The following PLAGL1 variants were observed in gnomAD, a reference collection of about 807,000 sequenced individuals.
PLAGL1 encodes the protein PLAG1 like zinc finger 1, also known as zinc finger protein PLAGL1.
In PLAGL1, 1 loss-of-function variant was observed where a neutral mutation model predicts 4.6. The observed-to-expected ratio is 0.22, with a 90% CI of 0.08 to 1.03. The LOEUF is 1.03. Among genes scored for constraint, PLAGL1 ranks in the 50% least tolerant of loss-of-function variants. The probability of loss-of-function intolerance (pLI) is 0.58; values close to 1 mark genes in which losing one functional copy is unlikely to be tolerated. For synonymous variants in PLAGL1, 240 were observed against 237.8 expected, an observed-to-expected ratio of 1.01 and a Z score of -0.08; for missense variants, 464 against 570.4, an observed-to-expected ratio of 0.81 and a Z score of 1.90.
rs180712841 is a variant in PLAGL1, at chr6:143,950,496, C to A, written c.-324-2036G>T. Among the ~76,000 whole-genome samples, 1 of 152,288 alleles carries A rather than the reference C, an allele frequency of 6.6e-6. No individual in the cohort carries two copies. The highest frequency in any genetic ancestry group is 6.5e-5 in the Admixed American group (1 of 15,304). ...AGCCTAAGTTTGGCCATAATACCGG[C>A]CCAGCTATAAAACACACTCATTCAC... On this transcript the variant is annotated intron_variant, in intron 6 of 7. Transcript: ENST00000674357. This position sits in a 1 kb window ranked among gnomAD's most constrained non-coding sequence, Gnocchi z 6.3.
At chr6:144,007,755 T>A (rs1310049423) in intron 1 of PLAGL1, 1 of 152,262 alleles carries the variant, frequency 6.6e-6, no homozygotes. Context: ...TTTCTTCTTT[T>A]CCTTGTTCTG....
At chr6:144,007,535 C>G (rs951123783) in intron 1 of PLAGL1, 1 of 152,170 alleles carries the variant, frequency 6.6e-6, no homozygotes, top group Non-Finnish European at 1.5e-5. Context: ...ATCCCCATTC[C>G]GCCCTGAAAG....
Position 143,947,930 on chromosome 6 carries a change from G to GA in PLAGL1, c.152+54dup. The GA allele has an allele frequency of 1.3e-6, 2 of 1,489,124 alleles. No homozygotes were observed. Among genetic ancestry groups the GA allele is most frequent in the Non-Finnish European group, 1.9e-6 (2 of 1,071,378 alleles). The allele number at this position is 1,489,124 out of a possible 1,614,324, so 92.2% of individuals were successfully genotyped here. ...CTTGCATCGTGTGGTCTGAGGGCTA[G>GA]AAAAGCCATTTAAACGTACTTCTAA... On this transcript the variant is annotated intron_variant, in intron 7 of 7. Coordinates refer to ENST00000674357, the MANE Select transcript of PLAGL1 (RefSeq NM_001317162.2). The surrounding 1 kb of genome is among the most constrained non-coding windows in gnomAD (Gnocchi z 4.3).
Position 143,948,982 on chromosome 6 carries a change from G to C in PLAGL1, c.-324-522C>G, listed in dbSNP as rs1011851835. ...TGTATACACCTAAGTCAATTTGTTTGTAAGATTACTCTGCAGAAGGGCTGA... is the reference window on the plus strand; with the variant it reads ...TGTATACACCTAAGTCAATTTGTTTCTAAGATTACTCTGCAGAAGGGCTGA... On this transcript the variant is annotated intron_variant, in intron 6 of 7. Coordinates refer to ENST00000674357, the MANE Select transcript of PLAGL1 (RefSeq NM_001317162.2). The surrounding 1 kb of genome is among the most constrained non-coding windows in gnomAD (Gnocchi z 6.0). 7.9e-5 allele frequency among the ~76,000 whole-genome samples: 12 copies of C among 152,186 alleles called. No homozygotes were observed. Among genetic ancestry groups the C allele is most frequent in the African/African-American group, 2.9e-4 (12 of 41,454 alleles).
chr6:144,051,085 T>C (rs190839958), intron 1 of PLAGL1, among the ~76,000 whole-genome samples: 2 of 152,360 alleles, frequency 1.3e-5, no homozygotes, highest in Admixed American at 1.3e-4. Flanking sequence ...CAGTTTGTAA[T>C]ATGTAACAAC....
chr6:143,940,804 A>C lies in PLAGL1; in HGVS notation c.*620T>G, dbSNP rs1363709278. The stretch of plus-strand genomic sequence containing the variant: ...TTTAAGATAAATGAAGTGATAACTC[A>C]CATTGCAGCATCTTGTGGAAAATAT... On this transcript the variant is annotated 3_prime_UTR_variant, in exon 8 of 8. Coordinates refer to ENST00000674357, the MANE Select transcript of PLAGL1 (RefSeq NM_001317162.2). The C allele has an allele frequency of 6.6e-6, 1 of 152,244 alleles. No individual in the cohort carries two copies. The highest frequency in any genetic ancestry group is 2.4e-5 in the African/African-American group (1 of 41,304). The allele number at this position is 152,244 out of a possible 1,614,324, so 9.4% of individuals were successfully genotyped here.
chr6:144,037,788 C>G (rs1310202232), intron 1 of PLAGL1: 1 of 152,120 alleles, frequency 6.6e-6, no homozygotes, highest in Non-Finnish European at 1.5e-5. Context: ...CAAACCCAAA[C>G]TACTGCTTTT....
intron 7 of PLAGL1, among the ~76,000 whole-genome samples, chr6:143,944,922 A>T (rs965843761): frequency 2.6e-5 from 4 of 151,796 alleles, no homozygotes; most frequent in Admixed American, 2.0e-4. Context: ...GTAGATCAAT[A>T]CCAGGTTAAC....
intron 1 of PLAGL1, among the ~76,000 whole-genome samples, chr6:144,040,018 CAT>C (rs1797601782): frequency 6.6e-6 from 1 of 151,952 alleles, no homozygotes; most frequent in South Asian, 2.1e-4. Flanking sequence ...CAAAACTAAA[CAT>C]ATACAAATGT....
At position 143,970,572 on chromosome 6, in the gene PLAGL1, GTTTAT is replaced by G. The variant is rs999197097; in HGVS notation, c.-543-1599_-543-1595del. ...TCTTGTTTTCAACGGCTAGATAAACGTTTATTAGGGCTGCTTTATTTGGTCAGTCT... is the reference window on the plus strand; with the variant it reads ...TCTTGTTTTCAACGGCTAGATAAACGTAGGGCTGCTTTATTTGGTCAGTCT... On this transcript the variant is annotated intron_variant, in intron 2 of 7. Coordinates refer to ENST00000674357, the MANE Select transcript of PLAGL1 (RefSeq NM_001317162.2). This position sits in a 1 kb window ranked among gnomAD's most constrained non-coding sequence, Gnocchi z 5.8. Among the ~76,000 whole-genome samples, 1 of 152,082 alleles carries G rather than the reference GTTTAT, an allele frequency of 6.6e-6. No individual in the cohort carries two copies. The highest frequency in any genetic ancestry group is 2.4e-5 in the African/African-American group (1 of 41,414).
In PLAGL1 at chr6:143,973,185, G is replaced by A. The variant is rs1785750662; in HGVS notation, c.-543-4207C>T. 6.6e-6 allele frequency among the ~76,000 whole-genome samples: 1 copy of A among 152,134 alleles called. No individual in the cohort carries two copies. Among genetic ancestry groups the A allele is most frequent in the South Asian group, 2.1e-4 (1 of 4,824 alleles). ...TAGGCAGAGCCATTCATTCCTTCAG[G>A]AAAACAGGGCATTGATTTCAGCGAG... is the stretch of plus-strand genomic sequence containing the variant. On this transcript the variant is annotated intron_variant, in intron 2 of 7. Transcript: ENST00000674357. This position sits in a 1 kb window ranked among gnomAD's most constrained non-coding sequence, Gnocchi z 6.2.
At chr6:144,043,571 G>A (rs994344934) in intron 1 of PLAGL1, among the ~76,000 whole-genome samples, 1 of 152,040 alleles carries the variant, frequency 6.6e-6, no homozygotes, top group Non-Finnish European at 1.5e-5. Context: ...GCTGGATTTG[G>A]TTTGCCAGTA....
rs141904025 is a variant in PLAGL1, at chr6:143,971,856, A to C, written c.-543-2878T>G. Among the ~76,000 whole-genome samples the C allele has an allele frequency of 2.1e-3, 324 of 152,328 alleles. No individual in the cohort carries two copies. Among genetic ancestry groups the C allele is most frequent in the Middle Eastern group, 0.014 (4 of 294 alleles). ...AAAAGTCTACAAAATTCTAAATGAAAAGTTTTTTCATCTCATTAATGGAAA... is the reference window on the plus strand; with the variant it reads ...AAAAGTCTACAAAATTCTAAATGAACAGTTTTTTCATCTCATTAATGGAAA... On this transcript the variant is annotated intron_variant, in intron 2 of 7. Coordinates refer to ENST00000674357, the MANE Select transcript of PLAGL1 (RefSeq NM_001317162.2). The surrounding 1 kb of genome is among the most constrained non-coding windows in gnomAD (Gnocchi z 4.7).
In PLAGL1 at chr6:143,960,434, A is replaced by C. The variant is rs532963273; in HGVS notation, c.-325+35T>G. The C allele has an allele frequency of 6.6e-6, 1 of 152,378 alleles. No individual in the cohort carries two copies. Among genetic ancestry groups the C allele is most frequent in the East Asian group, 1.9e-4 (1 of 5,196 alleles). The allele number at this position is 152,378 out of a possible 1,614,324, so 9.4% of individuals were successfully genotyped here. A position where few individuals can be genotyped will look rare whatever the true frequency, so the allele number is the denominator to read the frequency against. On this transcript the variant is annotated intron_variant, in intron 6 of 7. Transcript: ENST00000674357. The surrounding 1 kb of genome is among the most constrained non-coding windows in gnomAD (Gnocchi z 5.7). ...TGTTTCCAAGCAATCGTTAATAAACATGCCCAACTAGAAATAATCTTAAAA... is the reference window on the plus strand; with the variant it reads ...TGTTTCCAAGCAATCGTTAATAAACCTGCCCAACTAGAAATAATCTTAAAA...
rs140456634 is a variant in PLAGL1, at chr6:144,057,530, C to T, written c.-151+6938G>A. Among the ~76,000 whole-genome samples, 169 of 152,344 alleles carry T rather than the reference C, an allele frequency of 1.1e-3. 1 individual carries two copies. The highest frequency in any genetic ancestry group is 3.5e-3 in the African/African-American group (145 of 41,580). On this transcript the variant is annotated intron_variant, in intron 1 of 3. Coordinates refer to the PLAGL1 transcript ENST00000437412. ...TACTGCATACAGTGCTCCAGAGAAT[C>T]GTACCCTTCCCTGCACTGGTGCCAT...
rs1435665404 is a variant in PLAGL1 at position 144,027,251 on chromosome 6, G to GAA, written c.-151+37215_-151+37216dup. On this transcript the variant is annotated intron_variant, in intron 1 of 3. Transcript: ENST00000437412. The surrounding 1 kb of genome is among the most constrained non-coding windows in gnomAD (Gnocchi z 5.8). ...AGAACGAACGAAAGAAAGAAAGAAAGAAAGAAAGAAAGAAAGAAAGAAAGA... is the reference window on the plus strand; with the variant it reads ...AGAACGAACGAAAGAAAGAAAGAAAGAAAAAGAAAGAAAGAAAGAAAGAAAGA... 1.5e-5 allele frequency among the ~76,000 whole-genome samples: 2 copies of GAA among 135,210 alleles called. No homozygotes were observed. The highest frequency in any genetic ancestry group is 2.7e-5 in the African/African-American group (1 of 37,572). 88.7% of individuals were successfully genotyped at this position (135,210 alleles called of 152,430 possible). A position where few individuals can be genotyped will look rare whatever the true frequency, so the allele number is the denominator to read the frequency against.
intron 1 of PLAGL1, among the ~76,000 whole-genome samples, chr6:144,023,584 A>G (rs985463032): frequency 1.3e-5 from 2 of 152,166 alleles, no homozygotes; most frequent in African/African-American, 4.8e-5. Flanking sequence ...CCGTGGGGGT[A>G]CAAATTAACA....
rs1004196179 is a variant in PLAGL1, at chr6:143,978,787, G to A, written c.-544+6348C>T. On this transcript the variant is annotated intron_variant, in intron 2 of 7. Coordinates refer to ENST00000674357, the MANE Select transcript of PLAGL1 (RefSeq NM_001317162.2). This position sits in a 1 kb window ranked among gnomAD's most constrained non-coding sequence, Gnocchi z 4.6. Reference sequence around the variant, plus strand: ...GCTTGGAAAAAGTGTGCAGTTTGCTGTTGAGTAGCGTTCTATAAACGCCAA... The same window carrying A: ...GCTTGGAAAAAGTGTGCAGTTTGCTATTGAGTAGCGTTCTATAAACGCCAA... Among the ~76,000 whole-genome samples the A allele has an allele frequency of 3.3e-5, 5 of 152,176 alleles. No homozygotes were observed. The highest frequency in any genetic ancestry group is 1.2e-4 in the African/African-American group (5 of 41,446).
At chr6:144,052,471 C>T (rs1254995773) in intron 1 of PLAGL1, among the ~76,000 whole-genome samples, 1 of 152,180 alleles carries the variant, frequency 6.6e-6, no homozygotes, top group Admixed American at 6.5e-5. Context: ...TTTTTCTCAT[C>T]CATAATGAAC....
Sources: allele counts gnomAD v4.1 joint callset (sites outside exome capture counted in the v4.1 genomes callset), GRCh38; gene constraint gnomAD v4.1.1; non-coding constraint Gnocchi (gnomAD v3.1); transcripts MANE v1.5; gene names NCBI Gene and HGNC (gene_info 2026-07-23, HGNC 2026-07-21).